BMF: variants seen among roughly 807,000 people sequenced by gnomAD.
BMF encodes the protein Bcl2 modifying factor, also known as bcl-2-modifying factor.
In BMF, 10 loss-of-function variants were observed where a neutral mutation model predicts 22.0. The ratio of observed to expected loss-of-function variants is 0.45; its 90% confidence interval spans 0.28 to 0.77. BMF has a LOEUF of 0.77. Ranked by LOEUF, BMF falls within the 30% of genes least tolerant of loss-of-function variation. The pLI, the probability that BMF is intolerant of heterozygous loss-of-function variation, is 0.13. For missense variants in BMF, 206 were observed against 226.8 expected (o/e 0.91, Z 0.59); for synonymous variants, 87 against 88.1 (o/e 0.99, Z 0.07).
At chr15:40,093,003 A>C (rs1426576252) in intron 4 of BMF, among the ~76,000 whole-genome samples, 1 of 152,226 alleles carries the variant, frequency 6.6e-6, no homozygotes, top group Non-Finnish European at 1.5e-5. Context: ...GCCTTCTCTT[A>C]AACTGTCTTT....
chr15:40,092,128 T>A (rs555212540), intron 4 of BMF, among the ~76,000 whole-genome samples: 1 of 152,304 alleles, frequency 6.6e-6, no homozygotes, highest in South Asian at 2.1e-4. Context: ...CTAGGCTCTA[T>A]ATGCACTATG....
At chr15:40,094,002 C>G (rs1156455927) in intron 4 of BMF, among the ~76,000 whole-genome samples, 1 of 152,176 alleles carries the variant, frequency 6.6e-6, no homozygotes, top group African/African-American at 2.4e-5. Flanking sequence ...GACCATCTGG[C>G]CCTAGAGCTA....
At chr15:40,093,693 T>C (rs1229870419) in intron 4 of BMF, among the ~76,000 whole-genome samples, 1 of 152,026 alleles carries the variant, frequency 6.6e-6, no homozygotes, top group Non-Finnish European at 1.5e-5. Flanking sequence ...GAATTCCAGT[T>C]CTCCTGAGGT....
In BMF at chr15:40,106,181, C is replaced by T. The variant is rs2036583929; in HGVS notation, c.-5-90G>A. The T allele has an allele frequency of 7.0e-7, 1 of 1,419,944 alleles. No homozygotes were observed. Among genetic ancestry groups the T allele is most frequent in the African/African-American group, 1.4e-5 (1 of 69,714 alleles). The allele number at this position is 1,419,944 out of a possible 1,614,324, so 88.0% of individuals were successfully genotyped here. ...CCTTCCCTTCTTCCTACCATACTCC[C>T]CCTTCTTATTTGAGCTGGCCGGACC... On this transcript the variant is annotated intron_variant, in intron 2 of 4. Transcript: ENST00000354670. This position sits in a 1 kb window ranked among gnomAD's most constrained non-coding sequence, Gnocchi z 4.1.
At chr15:40,095,512 C>A (rs545609016) in intron 4 of BMF, among the ~76,000 whole-genome samples, 26 of 152,138 alleles carry the variant, frequency 1.7e-4, no homozygotes, top group Non-Finnish European at 3.2e-4. Flanking sequence ...CTCAGGCACC[C>A]GGCACAGCAC....
Position 40,107,698 on chromosome 15 carries a change from C to A in BMF, c.-6+561G>T, listed in dbSNP as rs186368015. On this transcript the variant is annotated intron_variant, in intron 2 of 4. Transcript: ENST00000354670. ...CAGGGGCTCCCCTCCAGCTCTCCAACCTCCTCTTCTCAGGCTAGCAATCTT... is the reference window on the plus strand; with the variant it reads ...CAGGGGCTCCCCTCCAGCTCTCCAAACTCCTCTTCTCAGGCTAGCAATCTT... 8.5e-5 allele frequency among the ~76,000 whole-genome samples: 13 copies of A among 152,304 alleles called. No homozygotes were observed. In the East Asian group the frequency reaches 2.5e-3, roughly 29 times the overall value.
At chr15:40,104,115 G>A (rs2036535294) in intron 4 of BMF, 65 bp downstream of exon 4, 7 of 1,588,846 alleles carry the variant, frequency 4.4e-6, no homozygotes, top group Non-Finnish European at 6.0e-6. Context: ...CAAGAGGAGA[G>A]AGGCAGGCCC....
intron 4 of BMF, among the ~76,000 whole-genome samples, chr15:40,102,352 T>C (rs548117073): frequency 1.8e-3 from 244 of 134,586 alleles, no homozygotes; most frequent in African/African-American, 6.7e-3. Context: ...TCGCTTGAAC[T>C]GGGGAGGCAG....
At chr15:40,092,257 G>A (rs2036251119) in intron 4 of BMF, among the ~76,000 whole-genome samples, 1 of 152,130 alleles carries the variant, frequency 6.6e-6, no homozygotes, top group South Asian at 2.1e-4. Flanking sequence ...ACAACAAACT[G>A]GCTTCAGAAA....
At chr15:40,104,363 T>G (rs368266341) in intron 3 of BMF, 23 bp from the exon 4 acceptor site, 2 of 1,612,450 alleles carry the variant, frequency 1.2e-6, no homozygotes, top group African/African-American at 1.3e-5. Flanking sequence ...AGGATCCACA[T>G]CTCAGCATTC....
intron 3 of BMF, 135 bp downstream of exon 3, chr15:40,105,660 G>C (rs1377508262): frequency 9.0e-7 from 1 of 1,105,964 alleles, no homozygotes; most frequent in Non-Finnish European, 1.3e-6. Flanking sequence ...AGAGGCAGCA[G>C]GTGGAAGTCA....
At chr15:40,092,785 TG>T (rs899518837) in intron 4 of BMF, among the ~76,000 whole-genome samples, 5 of 151,126 alleles carry the variant, frequency 3.3e-5, no homozygotes, top group African/African-American at 9.7e-5. Context: ...AGGAGAGGCC[TG>T]GGGGGGTGGA....
chr15:40,091,985 C>G, intron 4 of BMF, 97 bp from the exon 5 acceptor site: 1 of 924,008 alleles, frequency 1.1e-6, no homozygotes, highest in Non-Finnish European at 1.7e-6. Flanking sequence ...CTCCAAGTCT[C>G]ACGGCTGGCA....
rs746049652 is a variant in BMF, at chr15:40,105,818, T to C, written c.269A>G (p.Glu90Gly). The stretch of plus-strand genomic sequence containing the variant: ...ACCATAAAAGAGTCGCTGGGGTTCC[T>C]CAGTCACCCCACAAGGCAGCATGAC... ...QGVMLPCGVT[E>G]EPQRLFYGNA... Residue 90 changes from glutamate to glycine, a missense_variant, in exon 3 of 5, where the codon GAG becomes GGG. Coordinates refer to ENST00000354670, the MANE Select transcript of BMF (RefSeq NM_001003940.2). 27 of 1,610,998 alleles carry C rather than the reference T, an allele frequency of 1.7e-5. No individual in the cohort carries two copies. The highest frequency in any genetic ancestry group is 2.7e-5 in the African/African-American group (2 of 74,844).
At chr15:40,103,599 G>C (rs905268752) in intron 4 of BMF, among the ~76,000 whole-genome samples, 1 of 152,224 alleles carries the variant, frequency 6.6e-6, no homozygotes, top group Non-Finnish European at 1.5e-5. Flanking sequence ...CGCCCGGCTG[G>C]CCGCCGGTCT....
chr15:40,106,180 C>T lies in BMF; in HGVS notation c.-5-89G>A, dbSNP rs367935395. 5.6e-6 allele frequency: 8 copies of T among 1,421,694 alleles called. No homozygotes were observed. The African/African-American group carries it at 5.7e-5, about 10-fold the overall frequency. 88.1% of individuals were successfully genotyped at this position (1,421,694 alleles called of 1,614,324 possible). On this transcript the variant is annotated intron_variant, in intron 2 of 4. Transcript: ENST00000354670. The surrounding 1 kb of genome is among the most constrained non-coding windows in gnomAD (Gnocchi z 4.1). The stretch of plus-strand genomic sequence containing the variant: ...CCCTTCCCTTCTTCCTACCATACTC[C>T]CCCTTCTTATTTGAGCTGGCCGGAC...
chr15:40,096,896 C>T (rs2036373329), intron 4 of BMF, among the ~76,000 whole-genome samples: 1 of 152,192 alleles, frequency 6.6e-6, no homozygotes, highest in African/African-American at 2.4e-5. Context: ...GAAATTATAA[C>T]TTCAGACTGT....
Position 40,091,850 on chromosome 15 carries a change from G to A in BMF, c.492C>T (p.Leu164=). 6 of 1,611,410 alleles carry A rather than the reference G, an allele frequency of 3.7e-6. No individual in the cohort carries two copies. Among genetic ancestry groups the A allele is most frequent in the South Asian group, 2.2e-5 (2 of 90,502 alleles). Residue 164 remains leucine (L), a synonymous_variant, in exon 5 of 5, where the codon CTC becomes CTT. Transcript: ENST00000354670. ...TCAAAGCAAGGTTGTGCAGGAAGAG[G>A]AGGATCTGCCACCACACACGATTTT... ...QNQNRVWWQI[L]LFLHNLALNG... is the part of the protein sequence containing the mutation.
intron 4 of BMF, among the ~76,000 whole-genome samples, chr15:40,094,713 T>C (rs2036319553): frequency 6.6e-6 from 1 of 152,242 alleles, no homozygotes; most frequent in East Asian, 1.9e-4. Context: ...ATCTGTATAC[T>C]GAACAAGCTC....
Sources: allele counts gnomAD v4.1 joint callset (sites outside exome capture counted in the v4.1 genomes callset), GRCh38; gene constraint gnomAD v4.1.1; non-coding constraint Gnocchi (gnomAD v3.1); transcripts MANE v1.5; gene names NCBI Gene and HGNC (gene_info 2026-07-23, HGNC 2026-07-21).